Variants in RELA observed in about 807,000 individuals in gnomAD.
RELA encodes transcription factor p65.
A neutral mutation model predicts 56.7 loss-of-function variants in RELA; 14 were observed. That is an observed-to-expected ratio of 0.25 (90% CI 0.16 to 0.39). The LOEUF (loss-of-function observed/expected upper bound fraction) is 0.39. Among genes scored for constraint, RELA ranks in the 10% least tolerant of loss-of-function variants. The pLI, the probability that RELA is intolerant of heterozygous loss-of-function variation, is 1.00. For synonymous variants in RELA, 315 were observed against 289.7 expected (o/e 1.09, Z -0.89); for missense variants, 559 against 736.4 (o/e 0.76, Z 2.79).
chr11:65,660,280 G>C (rs118019315), intron 4 of RELA, 65 bp from the exon 5 acceptor site: 12 of 1,479,452 alleles, frequency 8.1e-6, no homozygotes, highest in Non-Finnish European at 1.9e-6. Flanking sequence ...GCCTTGCCCA[G>C]CCTGCTCCTT....
intron 8 of RELA, among the ~76,000 whole-genome samples, chr11:65,656,949 C>T (rs941658967): frequency 6.6e-6 from 1 of 152,134 alleles, no homozygotes; most frequent in Non-Finnish European, 1.5e-5. Flanking sequence ...TCACTTGAAC[C>T]CGGGAGGTGG....
At chr11:65,663,680 G>GA (rs1856628914), upstream of RELA, among the ~76,000 whole-genome samples, 1 of 152,212 alleles carries the variant, frequency 6.6e-6, no homozygotes, top group Admixed American at 6.5e-5. Context: ...TTGTGTCTCA[G>GA]AAGGTGCGGG....
At position 65,654,376 on chromosome 11, in the gene RELA, C is replaced by G; in HGVS notation, c.*2G>C. ...GCTCTGGGGAGGGCAGGCGTCACCC[C>G]CTTAGGAGCTGATCTGACTCAGCAG... On this transcript the variant is annotated 3_prime_UTR_variant, in exon 11 of 11. Coordinates refer to ENST00000406246, the MANE Select transcript of RELA (RefSeq NM_021975.4). 1.3e-5 allele frequency: 21 copies of G among 1,613,630 alleles called. No individual in the cohort carries two copies. Among genetic ancestry groups the G allele is most frequent in the Non-Finnish European group, 1.7e-5 (20 of 1,179,850 alleles).
In RELA at chr11:65,654,374, C is replaced by G. The variant is rs772645646; in HGVS notation, c.*4G>C. ...GTGCTCTGGGGAGGGCAGGCGTCAC[C>G]CCCTTAGGAGCTGATCTGACTCAGC... is the stretch of plus-strand genomic sequence containing the variant. On this transcript the variant is annotated 3_prime_UTR_variant, in exon 11 of 11. Coordinates refer to ENST00000406246, the MANE Select transcript of RELA (RefSeq NM_021975.4). The G allele has an allele frequency of 3.1e-6, 5 of 1,613,732 alleles. No individual in the cohort carries two copies. The East Asian group carries it at 1.1e-4, about 36-fold the overall frequency.
At position 65,658,729 on chromosome 11, in the gene RELA, T is replaced by C; in HGVS notation, c.653A>G (p.Lys218Arg). The change falls in exon 7 of 11, where the codon AAG (lysine) becomes AGG (arginine). Residue 218 changes from lysine to arginine, a missense_variant. Physicochemically the swap from Lys to Arg is conservative, Grantham distance 26. Around this residue, in one of 4 missense-constraint regions of RELA, gnomAD observed 149 missense variants for 256.0 expected, o/e 0.58. Transcript: ENST00000406246. This position sits in a 1 kb window ranked among gnomAD's most constrained non-coding sequence, Gnocchi z 4.5. ...GGDEIFLLCDKVQKEDIEVYF... is the reference protein window; with the variant it reads ...GGDEIFLLCDRVQKEDIEVYF... ...CTCCTGATGTATACCTTTCTGCACCTTGTCACACAGTAGGAAGATCTCATC... is the reference window on the plus strand; with the variant it reads ...CTCCTGATGTATACCTTTCTGCACCCTGTCACACAGTAGGAAGATCTCATC... 4 of 1,614,000 alleles carry C rather than the reference T, an allele frequency of 2.5e-6. No homozygotes were observed. Among genetic ancestry groups the C allele is most frequent in the Non-Finnish European group, 3.4e-6 (4 of 1,179,888 alleles).
At chr11:65,655,663 C>T in intron 10 of RELA, 25 bp downstream of exon 10, 1 of 1,611,350 alleles carries the variant, frequency 6.2e-7, no homozygotes, top group Middle Eastern at 1.7e-4. Context: ...CCTGTCGTTC[C>T]AGTGGGACAA....
intron 10 of RELA, chr11:65,655,400 A>T: frequency 1.7e-6 from 1 of 585,280 alleles, no homozygotes; most frequent in Non-Finnish European, 3.0e-6. Flanking sequence ...ACATCTTGCT[A>T]ATTTAGAGGT....
intron 8 of RELA, among the ~76,000 whole-genome samples, chr11:65,656,527 C>T (rs1856433410): frequency 6.6e-6 from 1 of 152,222 alleles, no homozygotes; most frequent in Non-Finnish European, 1.5e-5. Context: ...TGCCCTGTCA[C>T]CAAAGCTAGA....
Position 65,662,901 on chromosome 11 carries a change from C to T in RELA, c.-69G>A. 8.6e-7 allele frequency: 1 copy of T among 1,158,052 alleles called. No homozygotes were observed. The highest frequency in any genetic ancestry group is 1.1e-6 in the Non-Finnish European group (1 of 934,664). 71.7% of individuals were successfully genotyped at this position (1,158,052 alleles called of 1,614,324 possible). On this transcript the variant is annotated 5_prime_UTR_variant, in exon 1 of 11. Transcript: ENST00000406246. The stretch of plus-strand genomic sequence containing the variant: ...CGGCGTGCACTACAGACGAGCCATT[C>T]GCCAGAGGCGGAAATGCGCCGCGCG...
chr11:65,661,879 A>G, intron 3 of RELA, 44 bp from the exon 4 acceptor site: 2 of 1,603,006 alleles, frequency 1.2e-6, no homozygotes, highest in African/African-American at 1.3e-5. Context: ...CTGACTCCCA[A>G]ACACAGAGGG....
chr11:65,660,116 G>T lies in RELA; in HGVS notation c.427+8C>A. On this transcript the variant is annotated splice_region_variant and intron_variant, in intron 5 of 10. Coordinates refer to ENST00000406246, the MANE Select transcript of RELA (RefSeq NM_021975.4). ...GGGTGCGGGTGTGGCAGGCAGGTTT[G>T]CCCTCACCTTGGAAGGGGTTGTTGT... 1 of 1,613,474 alleles carries T rather than the reference G, an allele frequency of 6.2e-7. No individual in the cohort carries two copies. Among genetic ancestry groups the T allele is most frequent in the Non-Finnish European group, 8.5e-7 (1 of 1,179,386 alleles).
Position 65,654,822 on chromosome 11 carries a change from G to A in RELA, c.1212C>T (p.Ala404=), listed in dbSNP as rs1320636130. 1 of 1,543,690 alleles carries A rather than the reference G, an allele frequency of 6.5e-7. No homozygotes were observed. The highest frequency in any genetic ancestry group is 2.4e-5 in the East Asian group (1 of 41,944). The part of the protein sequence containing the change: ...APAPAMVSAL[A]QAPAPVPVLA... ...GGACTGGGACAGGGGCTGGGGCCTG[G>A]GCCAGAGCTGATACCATGGCTGGAG... is the stretch of plus-strand genomic sequence containing the variant. The change falls in exon 11 of 11, where the codon GCC becomes GCT. Residue 404 remains alanine (A), a synonymous_variant. Transcript: ENST00000406246.
intron 8 of RELA, among the ~76,000 whole-genome samples, chr11:65,656,751 G>A (rs1159929686): frequency 3.3e-5 from 5 of 152,208 alleles, no homozygotes; most frequent in East Asian, 1.9e-4. Context: ...TCGGCCAGGC[G>A]TGGTGGCTCA....
chr11:65,655,998 A>G, intron 8 of RELA, 63 bp from the exon 9 acceptor site: 1 of 1,407,002 alleles, frequency 7.1e-7, no homozygotes, highest in Non-Finnish European at 1.0e-6. Context: ...ACGCTCTCAA[A>G]GGTCCCTCAG....
At chr11:65,662,341 G>T in intron 1 of RELA, 136 bp from the exon 2 acceptor site, 1 of 1,049,564 alleles carries the variant, frequency 9.5e-7, no homozygotes. Flanking sequence ...TAGAACCTGC[G>T]GTGAAACTAA....
Position 65,655,683 on chromosome 11 carries a change from C to T in RELA, c.1033+5G>A. 6.2e-7 allele frequency: 1 copy of T among 1,613,580 alleles called. No individual in the cohort carries two copies. Among genetic ancestry groups the T allele is most frequent in the South Asian group, 1.1e-5 (1 of 91,066 alleles). ...CGTTCCAGTGGGACAAAAGGAAATC[C>T]TTACCTGGCTTGGGGACAGAAGCTG... On this transcript the variant is annotated splice_donor_5th_base_variant and intron_variant, in intron 10 of 10. Coordinates refer to ENST00000406246, the MANE Select transcript of RELA (RefSeq NM_021975.4).
At chr11:65,662,996 G>A (rs1276908889), upstream of RELA, 3 of 414,570 alleles carry the variant, frequency 7.2e-6, no homozygotes, top group Non-Finnish European at 1.1e-5. Context: ...CCGGCGCAGG[G>A]GCCGGGAGCA....
At chr11:65,660,493 T>TGGACA in intron 4 of RELA, 1 of 491,384 alleles carries the variant, frequency 2.0e-6, no homozygotes, top group Non-Finnish European at 3.6e-6. Flanking sequence ...CATTCCCACC[T>TGGACA]CAAGGCCTTT....
In RELA at chr11:65,658,984, C is replaced by T. The variant is rs1856497253; in HGVS notation, c.560-162G>A. Reference sequence around the variant, plus strand: ...TCAGACCTTCTTATTAGCTCCTCACCCCAACCGATTCAACAAGTATTTGCC... The same window carrying T: ...TCAGACCTTCTTATTAGCTCCTCACTCCAACCGATTCAACAAGTATTTGCC... On this transcript the variant is annotated intron_variant, in intron 6 of 10. Transcript: ENST00000406246. The surrounding 1 kb of genome is among the most constrained non-coding windows in gnomAD (Gnocchi z 4.5). 6.6e-6 allele frequency among the ~76,000 whole-genome samples: 1 copy of T among 152,188 alleles called. No individual in the cohort carries two copies. Among genetic ancestry groups the T allele is most frequent in the Non-Finnish European group, 1.5e-5 (1 of 68,044 alleles).
Sources: gnomAD v4.1 joint callset for allele counts (sites outside exome capture counted in the v4.1 genomes callset) on GRCh38, gnomAD v4.1.1 for gene constraint, gnomAD v4.1.1 regional missense constraint, Gnocchi (gnomAD v3.1) non-coding constraint, MANE v1.5 for transcripts, NCBI Gene and HGNC (gene_info 2026-07-23, HGNC 2026-07-21) for gene names.